Variants in PIGG observed in about 807,000 individuals in gnomAD.
PIGG encodes phosphatidylinositol glycan anchor biosynthesis class G (EMM blood group), also known as GPI ethanolamine phosphate transferase 2, catalytic subunit.
Under a neutral mutation model 83.2 loss-of-function variants are expected in PIGG, and 70 were observed. The observed-to-expected ratio is 0.84, with a 90% CI of 0.69 to 1.03. PIGG has a LOEUF of 1.03. Among genes scored for constraint, PIGG ranks in the 50% least tolerant of loss-of-function variants. The pLI, the probability that PIGG is intolerant of heterozygous loss-of-function variation, is 0.00. For missense variants in PIGG, 1,257 were observed against 1,233.6 expected (o/e 1.02, Z -0.28); for synonymous variants, 532 against 519.5 (o/e 1.02, Z -0.33).
Position 539,350 on chromosome 4 carries a change from C to T in PIGG, c.2933C>T (p.Thr978Ile), listed in dbSNP as rs756458417. Residue 978 changes from threonine to isoleucine, a missense_variant, in exon 13 of 13, where the codon ACC becomes ATC. Physicochemically the swap from Thr to Ile is moderately conservative, Grantham distance 89 (BLOSUM62 -1). Transcript: ENST00000453061. ...VCVFFTAMDQ[T>I]RLTQS is the part of the protein sequence containing the mutation. ...GTATTCTTCACGGCAATGGATCAAA[C>T]CAGACTCACACAGTCTTAGACTAAG... The T allele has an allele frequency of 1.2e-6, 2 of 1,606,850 alleles. No individual in the cohort carries two copies. The highest frequency in any genetic ancestry group is 1.7e-5 in the Admixed American group (1 of 59,884).
intron 5 of PIGG, 41 bp downstream of exon 5, chr4:509,011 A>G (rs1560290698): frequency 1.9e-6 from 3 of 1,565,298 alleles, no homozygotes; most frequent in East Asian, 2.3e-5. Flanking sequence ...ATTGTATTAC[A>G]TTTGTTTTCT....
At chr4:522,039 C>A in intron 8 of PIGG, 98 bp downstream of exon 8, 1 of 1,334,536 alleles carries the variant, frequency 7.5e-7, no homozygotes. Context: ...TCTGGTTGAA[C>A]ACCTGGTGTG....
chr4:504,160 G>A (rs914183305), intron 2 of PIGG, among the ~76,000 whole-genome samples: 6 of 152,104 alleles, frequency 3.9e-5, no homozygotes, highest in African/African-American at 1.2e-4. Flanking sequence ...GGGAGCGTGC[G>A]GCAACTGATG....
chr4:533,575 G>A (rs553740939), intron 11 of PIGG: 22 of 547,312 alleles, frequency 4.0e-5, no homozygotes, highest in Admixed American at 9.3e-5. Context: ...TGCACGGTCC[G>A]CTCACGTGCC....
intron 9 of PIGG, among the ~76,000 whole-genome samples, chr4:526,564 G>A (rs1209502904): frequency 6.6e-6 from 1 of 152,242 alleles, no homozygotes; most frequent in Non-Finnish European, 1.5e-5. Context: ...AGGCAGGAGA[G>A]GGGAGGTGAG....
chr4:527,473 A>G, intron 10 of PIGG: 1 of 1,274,348 alleles, frequency 7.8e-7, no homozygotes, highest in East Asian at 3.2e-5. Flanking sequence ...CTTTTAGGAG[A>G]CAAATCACTT....
chr4:521,373 T>G (rs1314553423), intron 7 of PIGG, 100 bp downstream of exon 7: 2 of 790,946 alleles, frequency 2.5e-6, no homozygotes, highest in Admixed American at 5.9e-5. Context: ...TTATTAAAAA[T>G]GGGAAAATAT....
At chr4:502,455 C>T (rs1718097532) in intron 2 of PIGG, 1 of 152,262 alleles carries the variant, frequency 6.6e-6, no homozygotes, top group African/African-American at 2.4e-5. Flanking sequence ...AGAAAGGGCT[C>T]AGAGCATCTC....
In PIGG at chr4:509,281, G is replaced by A. The variant is rs149106703; in HGVS notation, c.901+311G>A. Among the ~76,000 whole-genome samples the A allele has an allele frequency of 2.5e-3, 374 of 152,308 alleles. 1 individual carries two copies. Among genetic ancestry groups the A allele is most frequent in the African/African-American group, 8.4e-3 (347 of 41,548 alleles). On this transcript the variant is annotated intron_variant, in intron 5 of 12. Transcript: ENST00000453061. ...ACAGCATGTGTGAACTGAAGGAAAC[G>A]TGAATACCTCGGCTTTTTTAAAAGT...
At chr4:512,583 A>G (rs144087956) in intron 5 of PIGG, among the ~76,000 whole-genome samples, 7,698 of 151,900 alleles carry the variant, frequency 0.051, 615 homozygotes, top group African/African-American at 0.17. Context: ...TTGGGAGGCC[A>G]AGGCGGGTGG....
chr4:535,027 A>T (rs1011978086), intron 12 of PIGG, among the ~76,000 whole-genome samples: 2 of 152,114 alleles, frequency 1.3e-5, no homozygotes, highest in Admixed American at 6.5e-5. Flanking sequence ...CTGCTTCCTC[A>T]TCGTATGTTT....
intron 10 of PIGG, among the ~76,000 whole-genome samples, chr4:529,367 G>A (rs1487266228): frequency 6.6e-6 from 1 of 152,150 alleles, no homozygotes; most frequent in African/African-American, 2.4e-5. Flanking sequence ...CAGCTCCTCA[G>A]CCAGGATGTG....
intron 2 of PIGG, chr4:501,008 T>G (rs1717498524): frequency 2.5e-6 from 1 of 407,040 alleles, no homozygotes; most frequent in Admixed American, 3.2e-5. Context: ...AAGTTAAATG[T>G]GACTTCTCCA....
intron 8 of PIGG, chr4:522,262 G>T (rs553333497): frequency 1.8e-6 from 1 of 569,960 alleles, no homozygotes; most frequent in Non-Finnish European, 3.1e-6. Context: ...CGCTGAGGGG[G>T]TGTGTGAATC....
chr4:507,885 C>T lies in PIGG; in HGVS notation c.759+292C>T, dbSNP rs1720354316. Among the ~76,000 whole-genome samples, 3 of 152,186 alleles carry T rather than the reference C, an allele frequency of 2.0e-5. No homozygotes were observed. The South Asian group carries it at 6.2e-4, about 32-fold the overall frequency. On this transcript the variant is annotated intron_variant, in intron 4 of 12. Transcript: ENST00000453061. ...CTCTCTCTGTTCTGTATCACTCTCT[C>T]TGTTCTGTGCCACTCTGTTCTGTGT...
intron 6 of PIGG, among the ~76,000 whole-genome samples, chr4:519,452 GT>G (rs1192680438): frequency 1.3e-5 from 2 of 152,246 alleles, no homozygotes; most frequent in African/African-American, 4.8e-5. Flanking sequence ...GGTGGTAGGT[GT>G]AGCAATGAAG....
chr4:505,949 A>G lies in PIGG; in HGVS notation c.570+22A>G, dbSNP rs782254779. On this transcript the variant is annotated intron_variant, in intron 3 of 12. Coordinates refer to ENST00000453061, the MANE Select transcript of PIGG (RefSeq NM_001127178.3). ...AGAGGTCAGTTTTTAAAATAAGAAAATATATCATACTAGAATATCATACTA... is the reference window on the plus strand; with the variant it reads ...AGAGGTCAGTTTTTAAAATAAGAAAGTATATCATACTAGAATATCATACTA... 2.0e-6 allele frequency: 3 copies of G among 1,485,944 alleles called. No homozygotes were observed. The South Asian group carries it at 3.4e-5, about 17-fold the overall frequency. The allele number at this position is 1,485,944 out of a possible 1,614,324, so 92.0% of individuals were successfully genotyped here. A position where few individuals can be genotyped will look rare whatever the true frequency, so the allele number is the denominator to read the frequency against.
Position 527,263 on chromosome 4 carries a change from C to T in PIGG, c.2261+33C>T, listed in dbSNP as rs138068915. 5.8e-3 allele frequency: 8,968 copies of T among 1,537,334 alleles called. 66 individuals carry two copies. The highest frequency in any genetic ancestry group is 5.4e-3 in the Non-Finnish European group (6,146 of 1,144,834). On this transcript the variant is annotated intron_variant, in intron 10 of 12. Transcript: ENST00000453061. ...CGTGGCGGACACGGGGTGCATAGAG[C>T]CACTTTACTGTTTGAAGAACTGGCG...
Position 515,873 on chromosome 4 carries a change from A to G in PIGG, c.902-100A>G, listed in dbSNP as rs1267118487. 4 of 882,858 alleles carry G rather than the reference A, an allele frequency of 4.5e-6. No individual in the cohort carries two copies. The East Asian group carries it at 7.3e-5, about 16-fold the overall frequency. 54.7% of individuals were successfully genotyped at this position (882,858 alleles called of 1,614,324 possible). A position where few individuals can be genotyped will look rare whatever the true frequency, so the allele number is the denominator to read the frequency against. On this transcript the variant is annotated intron_variant, in intron 5 of 12. Transcript: ENST00000453061. The surrounding 1 kb of genome is among the most constrained non-coding windows in gnomAD (Gnocchi z 4.2). Reference sequence around the variant, plus strand: ...TGTGTTGAGTGGTGTGAAGAGACGGATCATTTGGCTCATGTTAGTTGTAGA... The same window carrying G: ...TGTGTTGAGTGGTGTGAAGAGACGGGTCATTTGGCTCATGTTAGTTGTAGA...
Sources: gnomAD v4.1 joint callset for allele counts (sites outside exome capture counted in the v4.1 genomes callset) on GRCh38, gnomAD v4.1.1 for gene constraint, Gnocchi (gnomAD v3.1) non-coding constraint, MANE v1.5 for transcripts, NCBI Gene and HGNC (gene_info 2026-07-23, HGNC 2026-07-21) for gene names.